Variants in YY1AP1 observed in about 807,000 individuals in gnomAD.
The protein encoded by YY1AP1 is YY1 associated protein 1.
In YY1AP1, 43 loss-of-function variants were observed where a neutral mutation model predicts 39.9. The ratio of observed to expected loss-of-function variants is 1.08; its 90% CI spans 0.84 to 1.39. The LOEUF (loss-of-function observed/expected upper bound fraction) is 1.39. Ranked by LOEUF, YY1AP1 falls within the 40% of genes most tolerant of loss-of-function variation. YY1AP1 has a pLI of 0.00. For missense variants in YY1AP1, 813 were observed against 900.7 expected, an observed-to-expected ratio of 0.90 and a Z score of 1.25; for synonymous variants, 292 against 331.3, an observed-to-expected ratio of 0.88 and a Z score of 1.29.
At chr1:155,672,066 C>T (rs1452207512) in intron 7 of YY1AP1, among the ~76,000 whole-genome samples, 1 of 152,124 alleles carries the variant, frequency 6.6e-6, no homozygotes, top group East Asian at 1.9e-4. Context: ...CTGAACACGG[C>T]AAATGTACAA....
At position 155,670,185 on chromosome 1, in the gene YY1AP1, T is replaced by C; in HGVS notation, c.728+135A>G. The C allele has an allele frequency of 3.4e-6, 4 of 1,182,738 alleles. No individual in the cohort carries two copies. The South Asian group carries it at 5.3e-5, about 16-fold the overall frequency. 73.3% of individuals were successfully genotyped at this position (1,182,738 alleles called of 1,614,324 possible). A position where few individuals can be genotyped will look rare whatever the true frequency, so the allele number is the denominator to read the frequency against. On this transcript the variant is annotated intron_variant, in intron 8 of 10. Coordinates refer to ENST00000355499, the MANE Select transcript of YY1AP1 (RefSeq NM_139119.3). Reference sequence around the variant, plus strand: ...TGGCACTGCTAGAACAAGCACGTTCTAGAGGACTCTGCTCATCTATACTGC... The same window carrying C: ...TGGCACTGCTAGAACAAGCACGTTCCAGAGGACTCTGCTCATCTATACTGC...
Position 155,686,325 on chromosome 1 carries a change from G to A in YY1AP1, c.-21+1746C>T, listed in dbSNP as rs571124075. On this transcript the variant is annotated intron_variant, in intron 2 of 10. Transcript: ENST00000355499. ...CCCACCTCGGCCTCCCAAAGTGCTGGGATTACAGGTGTGAGCCACCGCGCC... is the reference window on the plus strand; with the variant it reads ...CCCACCTCGGCCTCCCAAAGTGCTGAGATTACAGGTGTGAGCCACCGCGCC... Among the ~76,000 whole-genome samples, 157 of 152,002 alleles carry A rather than the reference G, an allele frequency of 1.0e-3. No individual in the cohort carries two copies. The Middle Eastern group carries it at 0.02, about 20-fold the overall frequency.
intron 2 of YY1AP1, among the ~76,000 whole-genome samples, chr1:155,682,236 AT>A (rs918468052): frequency 2.3e-4 from 34 of 150,720 alleles, no homozygotes; most frequent in South Asian, 1.3e-3. Flanking sequence ...TGGCTATCTC[AT>A]TTTTTTTTAA....
intron 2 of YY1AP1, among the ~76,000 whole-genome samples, chr1:155,683,405 T>C (rs1005232938): frequency 6.6e-6 from 1 of 151,770 alleles, no homozygotes; most frequent in African/African-American, 2.4e-5. Flanking sequence ...TCCCAGCACT[T>C]TGGGAGGCTG....
rs923482290 is a variant in YY1AP1 at position 155,675,050 on chromosome 1, G to A, written c.371C>T (p.Pro124Leu). Residue 124 changes from proline to leucine, a missense_variant, in exon 6 of 11, where the codon CCC becomes CTC. Physicochemically the swap from Pro to Leu is moderately conservative, Grantham distance 98. Coordinates refer to ENST00000355499, the MANE Select transcript of YY1AP1 (RefSeq NM_139119.3). ...GCTACTGGCCTCCGGATTGAGATTG[G>A]GGTTGCAGGTGGCAAGAAGGTGGAT... ...TQIHLLATCNPNLNPEASSTR... is the reference protein window; with the variant it reads ...TQIHLLATCNLNLNPEASSTR... 9.3e-6 allele frequency: 15 copies of A among 1,613,830 alleles called. No individual in the cohort carries two copies. The highest frequency in any genetic ancestry group is 1.2e-5 in the Non-Finnish European group (14 of 1,179,802).
chr1:155,659,997 T>A lies in YY1AP1; in HGVS notation c.1913A>T (p.Asn638Ile). 6.2e-7 allele frequency: 1 copy of A among 1,614,174 alleles called. No individual in the cohort carries two copies. Among genetic ancestry groups the A allele is most frequent in the East Asian group, 2.2e-5 (1 of 44,882 alleles). Residue 638 changes from asparagine to isoleucine, a missense_variant, in exon 11 of 11, where the codon AAT (asparagine) becomes ATT (isoleucine). This residue lies in a region of YY1AP1 where 586 missense variants were observed against 647.4 expected (regional missense o/e 0.91). Transcript: ENST00000355499. Reference sequence around the variant, plus strand: ...AGCCACAGCACAAGCAATGTCCACATTCATGTGGGCCTTATCTTCAGGGGT... The same window carrying A: ...AGCCACAGCACAAGCAATGTCCACAATCATGTGGGCCTTATCTTCAGGGGT... ...PSTPEDKAHM[N>I]VDIACAVADG...
chr1:155,681,567 C>G (rs965253298), intron 2 of YY1AP1, among the ~76,000 whole-genome samples: 2 of 151,606 alleles, frequency 1.3e-5, no homozygotes, highest in African/African-American at 4.9e-5. Context: ...CCAGCCTGAA[C>G]GACAGAGCAA....
intron 2 of YY1AP1, among the ~76,000 whole-genome samples, chr1:155,684,367 T>C (rs1651928277): frequency 1.3e-5 from 2 of 152,104 alleles, no homozygotes; most frequent in Admixed American, 1.3e-4. Flanking sequence ...CACATGTACG[T>C]TTTGAGAAAA....
chr1:155,659,451 C>A, downstream of YY1AP1: 1 of 596,592 alleles, frequency 1.7e-6, no homozygotes, highest in Non-Finnish European at 3.0e-6. Flanking sequence ...ATCAATGAAA[C>A]AATGAAGCAA....
chr1:155,676,087 T>C (rs901050049), intron 5 of YY1AP1, among the ~76,000 whole-genome samples: 1 of 151,856 alleles, frequency 6.6e-6, no homozygotes, highest in Non-Finnish European at 1.5e-5. Context: ...CTGGGTGTGG[T>C]GGCGAGTCCC....
chr1:155,684,570 C>CT (rs539654881), intron 2 of YY1AP1, among the ~76,000 whole-genome samples: 5,651 of 137,154 alleles, frequency 0.041, 345 homozygotes, highest in African/African-American at 0.13. Flanking sequence ...ACATTTCTTG[C>CT]TTTTTTTTTT....
At chr1:155,666,001 C>A (rs1359932050) in intron 9 of YY1AP1, among the ~76,000 whole-genome samples, 1 of 151,806 alleles carries the variant, frequency 6.6e-6, no homozygotes, top group Non-Finnish European at 1.5e-5. Context: ...ATGAAAGTGA[C>A]AGAATATCTA....
intron 4 of YY1AP1, among the ~76,000 whole-genome samples, chr1:155,678,208 C>T (rs1333663324): frequency 2.0e-5 from 3 of 152,110 alleles, no homozygotes; most frequent in Non-Finnish European, 4.4e-5. Flanking sequence ...GGTTTTGTAG[C>T]CTGGGAGCAA....
chr1:155,665,784 CAAAAA>C (rs58155011), intron 9 of YY1AP1, among the ~76,000 whole-genome samples: 6 of 35,044 alleles, frequency 1.7e-4, no homozygotes, highest in Non-Finnish European at 2.8e-4. Flanking sequence ...CTCTGTGTCT[CAAAAA>C]AAAAAAAAAA....
In YY1AP1 at chr1:155,671,950, A is replaced by C. The variant is rs77875775; in HGVS notation, c.583+610T>G. ...CCACAACTAATTTGCTAAGTCAGCAAACAAATCAGAAGTAAATATTTGGCT... is the reference window on the plus strand; with the variant it reads ...CCACAACTAATTTGCTAAGTCAGCACACAAATCAGAAGTAAATATTTGGCT... On this transcript the variant is annotated intron_variant, in intron 7 of 10. Transcript: ENST00000355499. Among the ~76,000 whole-genome samples, 238 of 152,360 alleles carry C rather than the reference A, an allele frequency of 1.6e-3. 1 individual carries two copies. Among genetic ancestry groups the C allele is most frequent in the Middle Eastern group, 3.4e-3 (1 of 294 alleles).
chr1:155,681,858 T>G (rs923459999), intron 2 of YY1AP1, among the ~76,000 whole-genome samples: 1 of 151,820 alleles, frequency 6.6e-6, no homozygotes, highest in Non-Finnish European at 1.5e-5. Flanking sequence ...TTTTTTTTTT[T>G]TTTTTAAATA....
At chr1:155,668,488 A>AG in intron 9 of YY1AP1, 139 bp downstream of exon 9, 1 of 1,317,028 alleles carries the variant, frequency 7.6e-7, no homozygotes, top group Non-Finnish European at 1.1e-6. Flanking sequence ...AAAAGGCAAC[A>AG]GGGGAATTAA....
rs755652910 is a variant in YY1AP1 at position 155,688,242 on chromosome 1, C to CTT, written c.-151-42_-151-41insAA. 3.0e-5 allele frequency: 48 copies of CTT among 1,610,704 alleles called. No individual in the cohort carries two copies. The East Asian group carries it at 1.0e-3, about 35-fold the overall frequency. On this transcript the variant is annotated intron_variant, in intron 1 of 10. Coordinates refer to ENST00000355499, the MANE Select transcript of YY1AP1 (RefSeq NM_139119.3). ...GAGAGGAGAAGGGAAAGGTGGAGGGCTAAAGGGGCAAACTGAGAGGAGGCG... is the reference window on the plus strand; with the variant it reads ...GAGAGGAGAAGGGAAAGGTGGAGGGCTTTAAAGGGGCAAACTGAGAGGAGGCG...
In YY1AP1 at chr1:155,676,667, T is replaced by C; in HGVS notation, c.205A>G (p.Lys69Glu). ...TCCTTCTGCTGTTTGGCTGAAGGTT[T>C]CTTCATCTTCAGCTGTTCAAATAGT... ...KELFEQLKMK[K>E]PSAKQQKEVE... The change falls in exon 5 of 11, where the codon AAA (lysine) becomes GAA (glutamate). Residue 69 changes from lysine (K) to glutamate (E), a missense_variant. Physicochemically the swap from Lys to Glu is moderately conservative, Grantham distance 56. Transcript: ENST00000355499. 6.2e-7 allele frequency: 1 copy of C among 1,614,164 alleles called. No individual in the cohort carries two copies.
Sources: gnomAD v4.1 joint callset for allele counts (sites outside exome capture counted in the v4.1 genomes callset) on GRCh38, gnomAD v4.1.1 for gene constraint, gnomAD v4.1.1 regional missense constraint, MANE v1.5 for transcripts, NCBI Gene and HGNC (gene_info 2026-07-23, HGNC 2026-07-21) for gene names.